The following PUDP variants were observed in gnomAD, a reference collection of about 807,000 sequenced individuals.
PUDP encodes the protein pseudouridine-5'-phosphatase.
In PUDP, 8 loss-of-function variants were observed where a neutral mutation model predicts 9.4. That is an observed-to-expected ratio of 0.85 (90% CI 0.50 to 1.53). PUDP has a LOEUF of 1.53. PUDP is among the 40% of genes most tolerant of loss of function. The pLI is 0.00. For missense variants in PUDP, 188 were observed against 189.7 expected (o/e 0.99, Z 0.05); for synonymous variants, 99 against 80.7 (o/e 1.23, Z -1.22).
At chrX:7,062,599 G>A (rs1930435365) in intron 3 of PUDP, among the ~76,000 whole-genome samples, 1 of 110,255 alleles carries the variant, frequency 9.1e-6, no homozygotes, top group Non-Finnish European at 1.9e-5. Context: ...ATTGTACTGG[G>A]GGCAGGCAGA....
chrX:7,086,799 G>T (rs1931278009), intron 2 of PUDP, among the ~76,000 whole-genome samples: 1 of 112,230 alleles, frequency 8.9e-6, no homozygotes, highest in Non-Finnish European at 1.9e-5. Flanking sequence ...GCCACTTATG[G>T]AATTTGCACC....
chrX:7,146,769 G>A (rs1416659228), intron 1 of PUDP, among the ~76,000 whole-genome samples: 4 of 108,086 alleles, frequency 3.7e-5, no homozygotes, highest in East Asian at 5.8e-4. Flanking sequence ...ATCCAGAATC[G>A]TTTCTCAGCT....
chrX:6,917,192 C>T (rs778329435), intron 3 of PUDP, among the ~76,000 whole-genome samples: 31 of 110,670 alleles, frequency 2.8e-4, no homozygotes, highest in Admixed American at 9.7e-4. Context: ...TAGTGAAACT[C>T]CATCCCTATG....
chrX:7,144,691 G>A (rs1932830560), intron 1 of PUDP, among the ~76,000 whole-genome samples: 1 of 111,666 alleles, frequency 9.0e-6, no homozygotes, highest in Admixed American at 9.5e-5. Flanking sequence ...TACTAAAGGT[G>A]AAGTAGAAGT....
chrX:6,927,709 G>A (rs2146767480), intron 3 of PUDP, among the ~76,000 whole-genome samples: 1 of 111,196 alleles, frequency 9.0e-6, no homozygotes, highest in Admixed American at 9.6e-5. Flanking sequence ...ATATACACAG[G>A]AGCCTTCAGA....
intron 3 of PUDP, among the ~76,000 whole-genome samples, chrX:6,975,134 G>A (rs1273660391): frequency 9.1e-6 from 1 of 109,811 alleles, no homozygotes; most frequent in East Asian, 2.9e-4. Context: ...AAGGTTCTTA[G>A]CTTCCTTCCA....
At chrX:6,792,013 C>T (rs1029233769) in intron 3 of PUDP, among the ~76,000 whole-genome samples, 7 of 111,391 alleles carry the variant, frequency 6.3e-5, no homozygotes, top group South Asian at 3.8e-4. Context: ...TGCTGTGGTA[C>T]GTAGGTGGCC....
At chrX:7,079,806 T>G (rs1931026960) in intron 2 of PUDP, among the ~76,000 whole-genome samples, 1 of 112,224 alleles carries the variant, frequency 8.9e-6, no homozygotes, top group Non-Finnish European at 1.9e-5. Context: ...ATTGCTTCGA[T>G]GAAAACTGAT....
chrX:6,813,830 G>A (rs1926184153), intron 3 of PUDP, among the ~76,000 whole-genome samples: 1 of 111,390 alleles, frequency 9.0e-6, no homozygotes, highest in Non-Finnish European at 1.9e-5. Flanking sequence ...CAATTGTCAG[G>A]GATTGGTCAA....
intron 3 of PUDP, among the ~76,000 whole-genome samples, chrX:6,752,521 G>A (rs1165263684): frequency 8.9e-6 from 1 of 111,808 alleles, no homozygotes; most frequent in African/African-American, 3.3e-5. Context: ...CTAGGAAACT[G>A]TAGAGACAGG....
chrX:6,732,105 C>T (rs1334992471), intron 3 of PUDP, among the ~76,000 whole-genome samples: 1 of 111,769 alleles, frequency 8.9e-6, no homozygotes, highest in African/African-American at 3.3e-5. Context: ...ATCACTTTCT[C>T]AACAGTTCAG....
At chrX:6,932,390 T>G (rs779073891) in intron 3 of PUDP, among the ~76,000 whole-genome samples, 1 of 111,894 alleles carries the variant, frequency 8.9e-6, no homozygotes, top group East Asian at 2.8e-4. Context: ...GATTTTCCCT[T>G]TTCTGGCCCC....
chrX:6,991,156 C>T (rs971250143), intron 1 of PUDP, among the ~76,000 whole-genome samples: 1 of 112,017 alleles, frequency 8.9e-6, no homozygotes, highest in Non-Finnish European at 1.9e-5. Context: ...TCTCTATCTG[C>T]CCCACACAGA....
At chrX:6,760,736 A>G (rs1925220292) in intron 3 of PUDP, among the ~76,000 whole-genome samples, 1 of 111,842 alleles carries the variant, frequency 8.9e-6, no homozygotes, top group Admixed American at 9.5e-5. Flanking sequence ...ATTCTCCCTT[A>G]TTTTTAACGT....
intron 3 of PUDP, among the ~76,000 whole-genome samples, chrX:6,816,449 T>A (rs918013881): frequency 1.9e-5 from 2 of 103,732 alleles, no homozygotes; most frequent in African/African-American, 6.9e-5. Flanking sequence ...CCATATATAC[T>A]ATATATAGTA....
chrX:6,758,120 T>A (rs1382876237), intron 3 of PUDP, among the ~76,000 whole-genome samples: 1 of 112,036 alleles, frequency 8.9e-6, no homozygotes, highest in East Asian at 2.8e-4. Context: ...CAGAGAAATA[T>A]CTTCAAAAAA....
At chrX:6,898,915 A>G (rs1281194666) in intron 3 of PUDP, among the ~76,000 whole-genome samples, 1 of 111,702 alleles carries the variant, frequency 9.0e-6, no homozygotes. Flanking sequence ...CTTCAGTATA[A>G]GAGTCCAGGG....
upstream of PUDP, among the ~76,000 whole-genome samples, chrX:6,725,572 G>A (rs896617642): frequency 3.6e-5 from 4 of 111,745 alleles, no homozygotes; most frequent in African/African-American, 1.3e-4. Flanking sequence ...TCCACTGATG[G>A]ACTCTTAGGT....
rs1336132163 is a variant in PUDP at position 6,910,824 on chromosome X, A to G, written c.*247+66309T>C. The stretch of plus-strand genomic sequence containing the variant: ...TATTGCTCACAATTCTGGAGACTGG[A>G]AAGTTCAAGATCAAGATGTGGCAAA... On this transcript the variant is annotated intron_variant and NMD_transcript_variant, in intron 3 of 3. Coordinates refer to the PUDP transcript ENST00000655425. Among the ~76,000 whole-genome samples the G allele has an allele frequency of 3.6e-5, 4 of 112,197 alleles. No homozygotes were observed. The East Asian group carries it at 1.1e-3, about 32-fold the overall frequency.
Sources: gnomAD v4.1 joint callset for allele counts (sites outside exome capture counted in the v4.1 genomes callset) on GRCh38, gnomAD v4.1.1 for gene constraint, MANE v1.5 for transcripts, NCBI Gene and HGNC (gene_info 2026-07-23, HGNC 2026-07-21) for gene names.